The following ATP2C2 variants were observed in gnomAD, a reference collection of about 807,000 sequenced individuals.
ATP2C2 encodes the protein calcium-transporting ATPase type 2C member 2.
In ATP2C2, 171 loss-of-function variants were observed where a neutral mutation model predicts 110.8. The observed-to-expected ratio is 1.54, with a 90% CI of 1.36 to 1.75. The LOEUF is 1.75. Ranked by LOEUF, ATP2C2 falls within the 40% of genes most tolerant of loss-of-function variation. ATP2C2 has a pLI of 0.00. For synonymous variants in ATP2C2, 804 were observed against 508.4 expected (o/e 1.58, Z -7.82); for missense variants, 1,963 against 1,235.0 (o/e 1.59, Z -8.84).
At chr16:84,460,868 C>G in intron 24 of ATP2C2, 67 bp downstream of exon 24, 1 of 1,515,242 alleles carries the variant, frequency 6.6e-7, no homozygotes, top group Admixed American at 2.0e-5. Context: ...GGACTGCAGT[C>G]CCTGCCCTCC....
chr16:84,462,382 C>T (rs550699636), intron 26 of ATP2C2: 6 of 424,124 alleles, frequency 1.4e-5, no homozygotes, highest in South Asian at 1.0e-4. Context: ...CAAGGGGCAC[C>T]GGCATCCCAG....
intron 11 of ATP2C2, among the ~76,000 whole-genome samples, chr16:84,426,305 A>T (rs1907811376): frequency 6.6e-6 from 1 of 152,072 alleles, no homozygotes; most frequent in African/African-American, 2.4e-5. Flanking sequence ...CTCCAGCAAG[A>T]ACGGCTCGAA....
chr16:84,410,814 G>A, intron 6 of ATP2C2, 49 bp downstream of exon 6: 1 of 1,557,536 alleles, frequency 6.4e-7, no homozygotes. Context: ...AGGAGCCAGG[G>A]AGCTGGAGAG....
At chr16:84,438,348 C>T (rs1436794188) in intron 11 of ATP2C2, among the ~76,000 whole-genome samples, 1 of 152,194 alleles carries the variant, frequency 6.6e-6, no homozygotes, top group East Asian at 1.9e-4. Context: ...CATACCTTTC[C>T]ACCACTTCAG....
intron 2 of ATP2C2, among the ~76,000 whole-genome samples, chr16:84,399,016 C>A (rs1365890953): frequency 6.6e-6 from 1 of 152,218 alleles, no homozygotes; most frequent in Non-Finnish European, 1.5e-5. Context: ...TCCGGTATTC[C>A]CACCGTCGTC....
intron 1 of ATP2C2, among the ~76,000 whole-genome samples, chr16:84,385,388 A>G (rs997966739): frequency 1.3e-5 from 2 of 152,150 alleles, no homozygotes; most frequent in African/African-American, 4.8e-5. Flanking sequence ...CACCAGGCCC[A>G]CCTCCAACAT....
chr16:84,425,612 G>A, intron 10 of ATP2C2, 123 bp from the exon 11 acceptor site: 1 of 1,073,738 alleles, frequency 9.3e-7, no homozygotes, highest in East Asian at 2.4e-5. Context: ...AGTGGTTGAG[G>A]TTATCAGGCG....
intron 16 of ATP2C2, among the ~76,000 whole-genome samples, chr16:84,447,177 T>C (rs1394445640): frequency 1.3e-5 from 2 of 152,194 alleles, no homozygotes; most frequent in Non-Finnish European, 2.9e-5. Flanking sequence ...GAATCTATCA[T>C]GTCTGCCCAC....
Position 84,438,321 on chromosome 16 carries a change from C to A in ATP2C2, c.987-845C>A, listed in dbSNP as rs552307615. Among the ~76,000 whole-genome samples, 5 of 152,304 alleles carry A rather than the reference C, an allele frequency of 3.3e-5. No homozygotes were observed. In the East Asian group the frequency reaches 7.7e-4, roughly 24 times the overall value. The stretch of plus-strand genomic sequence containing the variant: ...CCACCCCTGGCTATGTCAAACTGGA[C>A]ACCAGGCACCAGGCATCATACCTTT... On this transcript the variant is annotated intron_variant, in intron 11 of 26. Transcript: ENST00000262429.
intron 6 of ATP2C2, among the ~76,000 whole-genome samples, chr16:84,414,632 G>A (rs909455535): frequency 1.3e-5 from 2 of 152,178 alleles, no homozygotes; most frequent in Non-Finnish European, 2.9e-5. Flanking sequence ...CAGAGCACGT[G>A]GCTGTGGGGA....
intron 1 of ATP2C2, among the ~76,000 whole-genome samples, chr16:84,397,595 G>A (rs537274144): frequency 7.0e-6 from 1 of 142,532 alleles, no homozygotes; most frequent in African/African-American, 2.6e-5. Context: ...GATCACCTGA[G>A]CCTGGGAGGT....
intron 6 of ATP2C2, among the ~76,000 whole-genome samples, chr16:84,412,205 C>G (rs1906376858): frequency 6.6e-6 from 1 of 152,104 alleles, no homozygotes; most frequent in Non-Finnish European, 1.5e-5. Flanking sequence ...TCAGCTGCTA[C>G]AAAAGTTACT....
chr16:84,369,596 G>A (rs1022189518), intron 1 of ATP2C2, among the ~76,000 whole-genome samples: 9 of 151,860 alleles, frequency 5.9e-5, no homozygotes, highest in South Asian at 2.1e-4. Flanking sequence ...ATGACTTGGC[G>A]ATGGCCTTTT....
intron 2 of ATP2C2, chr16:84,404,576 T>C (rs961945354): frequency 4.1e-6 from 1 of 242,858 alleles, no homozygotes; most frequent in Non-Finnish European, 8.1e-6. Context: ...GTGTACACCA[T>C]GTTTCATGCA....
chr16:84,426,144 C>G (rs1907796634), intron 11 of ATP2C2: 1 of 231,430 alleles, frequency 4.3e-6, no homozygotes, highest in South Asian at 6.6e-5. Flanking sequence ...AGCATGGTGT[C>G]TGCTCAGCTT....
chr16:84,405,384 T>C, intron 3 of ATP2C2, 140 bp downstream of exon 3: 1 of 710,422 alleles, frequency 1.4e-6, no homozygotes, highest in Non-Finnish European at 2.3e-6. Flanking sequence ...AGCCTGAGCA[T>C]CAGTCATGAG....
In ATP2C2 at chr16:84,463,559, C is replaced by T. The variant is rs553199482; in HGVS notation, c.2723-55C>T. ...GACTGGCAGGGAAGGCGCTTCCTGC[C>T]GGCGCAACAGAGCTGCAGCCCGTCC... is the stretch of plus-strand genomic sequence containing the variant. On this transcript the variant is annotated intron_variant, in intron 26 of 26. Coordinates refer to ENST00000262429, the MANE Select transcript of ATP2C2 (RefSeq NM_014861.4). The T allele has an allele frequency of 5.5e-5, 81 of 1,485,694 alleles. No homozygotes were observed. The Middle Eastern group carries it at 1.0e-3, about 19-fold the overall frequency. 92.0% of individuals were successfully genotyped at this position (1,485,694 alleles called of 1,614,324 possible).
intron 2 of ATP2C2, among the ~76,000 whole-genome samples, chr16:84,402,052 A>T (rs1205276219): frequency 6.6e-6 from 1 of 151,746 alleles, no homozygotes; most frequent in Non-Finnish European, 1.5e-5. Context: ...TTACTTCTTT[A>T]AGTTAATTCC....
chr16:84,422,068 G>A (rs1193742612), intron 7 of ATP2C2, among the ~76,000 whole-genome samples: 1 of 152,204 alleles, frequency 6.6e-6, no homozygotes, highest in Non-Finnish European at 1.5e-5. Flanking sequence ...TAAAGAGTGG[G>A]CTGCGTATGT....
Sources: gnomAD v4.1 joint callset for allele counts (sites outside exome capture counted in the v4.1 genomes callset) on GRCh38, gnomAD v4.1.1 for gene constraint, MANE v1.5 for transcripts, NCBI Gene and HGNC (gene_info 2026-07-23, HGNC 2026-07-21) for gene names.